The following ADORA2B variants were observed in gnomAD, a reference collection of about 807,000 sequenced individuals.
ADORA2B encodes the protein adenosine receptor A2b.
ADORA2B carries 18 observed loss-of-function variants against 20.8 expected under a neutral mutation model. The ratio of observed to expected loss-of-function variants is 0.87; its 90% CI spans 0.60 to 1.29. ADORA2B has a LOEUF of 1.29. ADORA2B is among the 50% of genes most tolerant of loss of function. ADORA2B has a pLI of 0.00. For synonymous variants in ADORA2B, 179 were observed against 178.3 expected (o/e 1.00, Z -0.03); for missense variants, 441 against 422.7 (o/e 1.04, Z -0.38).
At chr17:15,906,657 G>C in the ADORA2B span, among the ~76,000 whole-genome samples, 1 of 152,116 alleles carries the variant, frequency 6.6e-6, no homozygotes, top group Admixed American at 6.5e-5. Flanking sequence ...TTTTTGAAGA[G>C]ATTTTGTAGA....
chr17:15,923,784 A>G, the ADORA2B span, among the ~76,000 whole-genome samples: 1 of 152,140 alleles, frequency 6.6e-6, no homozygotes, highest in Non-Finnish European at 1.5e-5. Context: ...GATGTATGTG[A>G]TTTGAGATGC....
the ADORA2B span, among the ~76,000 whole-genome samples, chr17:15,911,165 C>T: frequency 2.0e-5 from 3 of 152,196 alleles, no homozygotes; most frequent in East Asian, 1.9e-4. Flanking sequence ...ATATCACCCG[C>T]GCCTTTGTTT....
chr17:15,964,381 C>T lies in ADORA2B; in HGVS notation c.336-10298C>T, dbSNP rs905941062. On this transcript the variant is annotated intron_variant, in intron 1 of 1. Coordinates refer to ENST00000304222, the MANE Select transcript of ADORA2B (RefSeq NM_000676.4). Reference sequence around the variant, plus strand: ...CAGCACTTTGGGAGGCCAAGATTGGCGGATCACCAGAGGTCAGGAGTTCGA... The same window carrying T: ...CAGCACTTTGGGAGGCCAAGATTGGTGGATCACCAGAGGTCAGGAGTTCGA... 4.6e-5 allele frequency among the ~76,000 whole-genome samples: 7 copies of T among 151,782 alleles called. No homozygotes were observed. The South Asian group carries it at 6.2e-4, about 14-fold the overall frequency.
At chr17:15,972,914 C>T (rs759320781) in intron 1 of ADORA2B, among the ~76,000 whole-genome samples, 5 of 152,156 alleles carry the variant, frequency 3.3e-5, no homozygotes, top group African/African-American at 9.7e-5. Flanking sequence ...TATACACCAC[C>T]GTGCCCGGCT....
chr17:15,860,681 T>C, the ADORA2B span: 1 of 152,216 alleles, frequency 6.6e-6, no homozygotes, highest in Non-Finnish European at 1.5e-5. Flanking sequence ...TCCACGTCCC[T>C]ATTGCATTTT....
chr17:15,893,421 T>C, the ADORA2B span, among the ~76,000 whole-genome samples: 1 of 152,216 alleles, frequency 6.6e-6, no homozygotes. Flanking sequence ...ATTCTAAATG[T>C]TATCATTCAG....
the ADORA2B span, among the ~76,000 whole-genome samples, chr17:15,903,046 A>G: frequency 3.9e-5 from 6 of 152,200 alleles, no homozygotes; most frequent in African/African-American, 1.4e-4. Flanking sequence ...TTTCAAATGT[A>G]TCTTGTGTTT....
At chr17:15,927,789 GCCC>G in the ADORA2B span, among the ~76,000 whole-genome samples, 2 of 152,190 alleles carry the variant, frequency 1.3e-5, no homozygotes, top group Admixed American at 6.5e-5. Flanking sequence ...AATCCGGGAC[GCCC>G]CTCAGTGCCT....
intron 1 of ADORA2B, among the ~76,000 whole-genome samples, chr17:15,959,667 A>G (rs1465288047): frequency 6.6e-6 from 1 of 151,974 alleles, no homozygotes; most frequent in East Asian, 1.9e-4. Context: ...TGCCTGGCTA[A>G]TTTTTGTATT....
rs1233282977 is a variant in ADORA2B at position 15,975,497 on chromosome 17, G to T, written c.*155G>T. ...GAGCTACCACGTATCTAGCTAATATGTATGTGTCAGTAGTAGGCTCCAAGG... is the reference window on the plus strand; with the variant it reads ...GAGCTACCACGTATCTAGCTAATATTTATGTGTCAGTAGTAGGCTCCAAGG... On this transcript the variant is annotated 3_prime_UTR_variant, in exon 2 of 2. Coordinates refer to ENST00000304222, the MANE Select transcript of ADORA2B (RefSeq NM_000676.4). 1 of 674,368 alleles carries T rather than the reference G, an allele frequency of 1.5e-6. No individual in the cohort carries two copies. The highest frequency in any genetic ancestry group is 2.5e-6 in the Non-Finnish European group (1 of 402,408). 41.8% of individuals were successfully genotyped at this position (674,368 alleles called of 1,614,324 possible). A position where few individuals can be genotyped will look rare whatever the true frequency, so the allele number is the denominator to read the frequency against.
chr17:15,900,135 C>G, the ADORA2B span, among the ~76,000 whole-genome samples: 1 of 152,104 alleles, frequency 6.6e-6, no homozygotes, highest in African/African-American at 2.4e-5. Context: ...CAGCCAAACA[C>G]ATTTTCTTTA....
the ADORA2B span, among the ~76,000 whole-genome samples, chr17:15,902,217 C>CTT: frequency 1.1e-4 from 16 of 147,274 alleles, no homozygotes; most frequent in East Asian, 5.9e-4. Flanking sequence ...GATTCCCTTC[C>CTT]TTTTTTTTTT....
At chr17:15,917,495 G>A in the ADORA2B span, among the ~76,000 whole-genome samples, 1 of 152,228 alleles carries the variant, frequency 6.6e-6, no homozygotes, top group African/African-American at 2.4e-5. Context: ...CCTGCACCAT[G>A]TGGACGGTGC....
At chr17:15,965,009 G>A (rs1375937429) in intron 1 of ADORA2B, among the ~76,000 whole-genome samples, 1 of 152,128 alleles carries the variant, frequency 6.6e-6, no homozygotes, top group East Asian at 1.9e-4. Context: ...GCAGTGAGCC[G>A]AGATCGTGCC....
At chr17:15,933,426 T>C in the ADORA2B span, among the ~76,000 whole-genome samples, 1 of 152,238 alleles carries the variant, frequency 6.6e-6, no homozygotes, top group Non-Finnish European at 1.5e-5. Flanking sequence ...TCCATGAATA[T>C]GGACTATGGA....
the ADORA2B span, among the ~76,000 whole-genome samples, chr17:15,921,908 A>G: frequency 3.2e-4 from 48 of 152,306 alleles, no homozygotes; most frequent in African/African-American, 1.0e-3. Context: ...TCTTCCTAGA[A>G]GACTCATGTG....
the ADORA2B span, among the ~76,000 whole-genome samples, chr17:15,862,270 C>T: frequency 7.6e-6 from 1 of 131,582 alleles, no homozygotes; most frequent in Non-Finnish European, 1.5e-5. Flanking sequence ...GGCTGGAGTA[C>T]AGTGGCGTGA....
chr17:15,866,736 TCTGCCTCTGCCG>T, the ADORA2B span, among the ~76,000 whole-genome samples: 1 of 130,980 alleles, frequency 7.6e-6, no homozygotes, highest in Non-Finnish European at 1.6e-5. Context: ...TGCCGCTGCC[TCTGCCTCTGCCG>T]CTGCCTCTCT....
At chr17:15,874,070 A>ATATATATG in the ADORA2B span, among the ~76,000 whole-genome samples, 11 of 85,144 alleles carry the variant, frequency 1.3e-4, no homozygotes, top group African/African-American at 3.3e-4. Context: ...GTGTGTGTGT[A>ATATATATG]TATATATATA....
Sources: gnomAD v4.1 joint callset for allele counts (sites outside exome capture counted in the v4.1 genomes callset) on GRCh38, gnomAD v4.1.1 for gene constraint, MANE v1.5 for transcripts, NCBI Gene and HGNC (gene_info 2026-07-23, HGNC 2026-07-21) for gene names.